PCP4: variants seen among roughly 807,000 people sequenced by gnomAD.
PCP4 encodes Purkinje cell protein 4.
In PCP4, 8 loss-of-function variants were observed where a neutral mutation model predicts 10.0. The ratio of observed to expected loss-of-function variants is 0.80; its 90% CI spans 0.47 to 1.45. The LOEUF is 1.45. PCP4 is among the 40% of genes most tolerant of loss of function. The pLI, the probability that PCP4 is intolerant of heterozygous loss-of-function variation, is 0.00. For synonymous variants in PCP4, 21 were observed against 23.0 expected, an observed-to-expected ratio of 0.91 and a Z score of 0.24; for missense variants, 54 against 74.4, an observed-to-expected ratio of 0.73 and a Z score of 1.01.
chr21:39,886,815 A>T (rs982766989), intron 1 of PCP4, among the ~76,000 whole-genome samples: 1 of 152,228 alleles, frequency 6.6e-6, no homozygotes, highest in Admixed American at 6.5e-5. Flanking sequence ...TGGTTTTATA[A>T]AAGAGAGACT....
chr21:39,893,430 A>T (rs1028816769), intron 1 of PCP4, among the ~76,000 whole-genome samples: 1 of 152,220 alleles, frequency 6.6e-6, no homozygotes, highest in Non-Finnish European at 1.5e-5. Context: ...GGGTTTTATT[A>T]GATTCTGAAG....
chr21:39,889,461 G>A (rs1315682813), intron 1 of PCP4, among the ~76,000 whole-genome samples: 2 of 139,036 alleles, frequency 1.4e-5, no homozygotes, highest in Non-Finnish European at 3.0e-5. Context: ...CTGTCACCCA[G>A]GCTGCAGTAC....
intron 2 of PCP4, among the ~76,000 whole-genome samples, chr21:39,907,286 G>A (rs560363224): frequency 1.5e-3 from 235 of 152,198 alleles, no homozygotes; most frequent in African/African-American, 5.5e-3. Context: ...TACCCTTAGA[G>A]CAACCACAGA....
At chr21:39,907,468 AC>A (rs1568858644) in intron 2 of PCP4, among the ~76,000 whole-genome samples, 1 of 152,184 alleles carries the variant, frequency 6.6e-6, no homozygotes, top group African/African-American at 2.4e-5. Flanking sequence ...GTTGAAAGGT[AC>A]AGCTAAGCTG....
At chr21:39,878,002 CGA>C (rs3831648) in intron 1 of PCP4, among the ~76,000 whole-genome samples, 9 of 143,884 alleles carry the variant, frequency 6.3e-5, no homozygotes, top group African/African-American at 1.4e-4. Flanking sequence ...TAGATTGTGA[CGA>C]GAGAGAGAGA....
intron 2 of PCP4, among the ~76,000 whole-genome samples, chr21:39,909,238 T>C (rs567221657): frequency 6.6e-6 from 1 of 152,356 alleles, no homozygotes; most frequent in East Asian, 1.9e-4. Flanking sequence ...ATGGCTATTA[T>C]GGCATATTGA....
At chr21:39,888,089 G>A (rs1254226364) in intron 1 of PCP4, among the ~76,000 whole-genome samples, 1 of 152,194 alleles carries the variant, frequency 6.6e-6, no homozygotes, top group Non-Finnish European at 1.5e-5. Context: ...ACCATTAGAA[G>A]TGTTGATATC....
At chr21:39,891,571 A>C (rs1379364348) in intron 1 of PCP4, among the ~76,000 whole-genome samples, 1 of 152,226 alleles carries the variant, frequency 6.6e-6, no homozygotes, top group Non-Finnish European at 1.5e-5. Flanking sequence ...AGACGAAGAG[A>C]TAAAGAGAAA....
intron 1 of PCP4, among the ~76,000 whole-genome samples, chr21:39,878,730 T>C (rs563338612): frequency 1.3e-5 from 2 of 152,364 alleles, no homozygotes; most frequent in East Asian, 3.9e-4. Context: ...CCGTGCTTGC[T>C]CATGGTAGAG....
At chr21:39,918,976 C>T (rs2299785) in intron 2 of PCP4, among the ~76,000 whole-genome samples, 132,491 of 152,244 alleles carry the variant, frequency 0.87, 57,936 homozygotes, top group Middle Eastern at 0.95. Context: ...TTAGGTACTA[C>T]GGGTATAAAT....
intron 1 of PCP4, among the ~76,000 whole-genome samples, chr21:39,870,177 A>C (rs1481081273): frequency 6.6e-6 from 1 of 152,256 alleles, no homozygotes; most frequent in Admixed American, 6.5e-5. Context: ...GCAGCTTTAC[A>C]ACAAGACGTC....
At chr21:39,872,402 C>T (rs1330734522) in intron 1 of PCP4, among the ~76,000 whole-genome samples, 1 of 152,132 alleles carries the variant, frequency 6.6e-6, no homozygotes, top group Non-Finnish European at 1.5e-5. Context: ...GTTCTTAGAC[C>T]ACTGGACACA....
At chr21:39,902,012 T>C (rs1277895751) in intron 2 of PCP4, among the ~76,000 whole-genome samples, 1 of 152,354 alleles carries the variant, frequency 6.6e-6, no homozygotes, top group East Asian at 1.9e-4. Context: ...GACGATCATC[T>C]TGGAATTTCC....
chr21:39,903,565 AC>A (rs1217010510), intron 2 of PCP4, among the ~76,000 whole-genome samples: 1 of 152,144 alleles, frequency 6.6e-6, no homozygotes. Context: ...TTCTAGGAGT[AC>A]TTAAGACTTA....
chr21:39,883,974 G>T (rs2299749), intron 1 of PCP4, among the ~76,000 whole-genome samples: 67,850 of 151,904 alleles, frequency 0.45, 16,410 homozygotes, highest in African/African-American at 0.63. Flanking sequence ...TTATTCTCAT[G>T]TAATAAAAAC....
intron 1 of PCP4, among the ~76,000 whole-genome samples, chr21:39,894,774 C>T (rs142509988): frequency 6.3e-4 from 96 of 152,218 alleles, no homozygotes; most frequent in African/African-American, 2.1e-3. Context: ...TCTGTTCAGT[C>T]GGCAACATAT....
In PCP4 at chr21:39,882,296, A is replaced by G. The variant is rs537846813; in HGVS notation, c.9+14786A>G. On this transcript the variant is annotated intron_variant, in intron 1 of 2. Coordinates refer to ENST00000328619, the MANE Select transcript of PCP4 (RefSeq NM_006198.3). The stretch of plus-strand genomic sequence containing the variant: ...GCTTGGCTCAACCGTGGCAGAGCCA[A>G]TGTGGCCATGGTGAGAGATCATTCA... Among the ~76,000 whole-genome samples the G allele has an allele frequency of 6.6e-5, 10 of 152,310 alleles. No individual in the cohort carries two copies. In the East Asian group the frequency reaches 1.4e-3, roughly 21 times the overall value.
intron 1 of PCP4, among the ~76,000 whole-genome samples, chr21:39,896,339 T>C (rs1465056641): frequency 2.6e-5 from 4 of 152,236 alleles, no homozygotes; most frequent in Admixed American, 2.0e-4. Context: ...CAGGGAAAGA[T>C]ACTGGATTTG....
At chr21:39,874,672 T>C (rs2087336362) in intron 1 of PCP4, among the ~76,000 whole-genome samples, 1 of 151,126 alleles carries the variant, frequency 6.6e-6, no homozygotes, top group Non-Finnish European at 1.5e-5. Context: ...TTTTTTTTTT[T>C]TCTAAAAAAC....
Sources: allele counts gnomAD v4.1 joint callset (sites outside exome capture counted in the v4.1 genomes callset), GRCh38; gene constraint gnomAD v4.1.1; transcripts MANE v1.5; gene names NCBI Gene and HGNC (gene_info 2026-07-23, HGNC 2026-07-21).